The following LRP1B variants were observed in gnomAD, a reference collection of about 807,000 sequenced individuals.
LRP1B encodes the protein LDL receptor related protein 1B, also known as low-density lipoprotein receptor-related protein 1B.
A neutral mutation model predicts 556.6 loss-of-function variants in LRP1B; 217 were observed. The ratio of observed to expected loss-of-function variants is 0.39; its 90% CI spans 0.35 to 0.44. The LOEUF (loss-of-function observed/expected upper bound fraction) is 0.44. Ranked by LOEUF, LRP1B falls within the 20% of genes least tolerant of loss-of-function variation. The probability of loss-of-function intolerance (pLI) is 1.00; values close to 1 mark genes in which losing one functional copy is unlikely to be tolerated. For missense variants in LRP1B, 5,053 were observed against 5,620.8 expected, an observed-to-expected ratio of 0.90 and a Z score of 3.23; for synonymous variants, 2,047 against 1,865.8, an observed-to-expected ratio of 1.10 and a Z score of -2.50.
At chr2:140,542,457 A>C (rs1292657778) in intron 43 of LRP1B, among the ~76,000 whole-genome samples, 1 of 152,132 alleles carries the variant, frequency 6.6e-6, no homozygotes, top group African/African-American at 2.4e-5. Context: ...TCTGAGAATA[A>C]AAGTTTAGAA....
chr2:140,720,945 G>A lies in LRP1B; in HGVS notation c.5759-4129C>T, dbSNP rs187744326. 2.0e-5 allele frequency among the ~76,000 whole-genome samples: 3 copies of A among 152,126 alleles called. No individual in the cohort carries two copies. In the East Asian group the frequency reaches 5.8e-4, roughly 29 times the overall value. On this transcript the variant is annotated intron_variant, in intron 35 of 90. Transcript: ENST00000389484. Reference sequence around the variant, plus strand: ...CAGGGTAGAAAACAAGGAGTCTAGGGCTGGGTTCTTATCACTGTTCTGCAT... The same window carrying A: ...CAGGGTAGAAAACAAGGAGTCTAGGACTGGGTTCTTATCACTGTTCTGCAT...
chr2:141,031,251 T>TCTCACACA (rs866376802), intron 11 of LRP1B, among the ~76,000 whole-genome samples: 2 of 121,634 alleles, frequency 1.6e-5, no homozygotes, highest in African/African-American at 6.2e-5. Context: ...TATATACATA[T>TCTCACACA]CACACACACA....
chr2:140,554,619 A>C (rs2105060013), intron 43 of LRP1B, among the ~76,000 whole-genome samples: 1 of 152,170 alleles, frequency 6.6e-6, no homozygotes. Context: ...TCATTAGAAC[A>C]CTAATAGAGG....
chr2:140,234,259 C>T (rs1422043487), intron 90 of LRP1B, among the ~76,000 whole-genome samples: 6 of 151,208 alleles, frequency 4.0e-5, no homozygotes, highest in Admixed American at 1.3e-4. Flanking sequence ...TATTCCTCTT[C>T]TGCTTAAAAT....
chr2:141,781,953 C>T (rs1160767071), intron 2 of LRP1B, among the ~76,000 whole-genome samples: 1 of 152,104 alleles, frequency 6.6e-6, no homozygotes. Flanking sequence ...CTCTTTTTAG[C>T]TCTCTGAGCG....
intron 88 of LRP1B, among the ~76,000 whole-genome samples, chr2:140,239,213 T>A (rs1337096857): frequency 6.6e-6 from 1 of 150,860 alleles, no homozygotes; most frequent in Non-Finnish European, 1.5e-5. Flanking sequence ...TGATCTCTTG[T>A]CAGTTTTGCT....
At chr2:141,464,606 A>ATATATATATATTTT in intron 3 of LRP1B, among the ~76,000 whole-genome samples, 18 of 90,540 alleles carry the variant, frequency 2.0e-4, no homozygotes, top group East Asian at 1.1e-3. Context: ...ATATATATAT[A>ATATATATATATTTT]TTTTTTTAGT....
intron 1 of LRP1B, among the ~76,000 whole-genome samples, chr2:141,914,316 G>C (rs1213729361): frequency 6.6e-6 from 1 of 152,160 alleles, no homozygotes; most frequent in Non-Finnish European, 1.5e-5. Flanking sequence ...GTCATAAAGA[G>C]AACTAATTGG....
chr2:141,321,152 T>C (rs1375194528), intron 3 of LRP1B, among the ~76,000 whole-genome samples: 1 of 152,118 alleles, frequency 6.6e-6, no homozygotes, highest in African/African-American at 2.4e-5. Flanking sequence ...ATAAAGGGCA[T>C]AAAGAGCAGT....
chr2:141,359,746 A>G (rs2105561266), intron 3 of LRP1B, among the ~76,000 whole-genome samples: 1 of 150,570 alleles, frequency 6.6e-6, no homozygotes, highest in Admixed American at 6.7e-5. Context: ...ATAGAGTGAG[A>G]ATTCGGCCCC....
At chr2:141,606,096 C>G (rs1687909987) in intron 2 of LRP1B, among the ~76,000 whole-genome samples, 1 of 152,164 alleles carries the variant, frequency 6.6e-6, no homozygotes, top group Admixed American at 6.5e-5. Flanking sequence ...CTTTTCTCAT[C>G]TCAGCTCTTT....
rs1257590869 is a variant in LRP1B at position 141,062,087 on chromosome 2, T to G, written c.1200A>C (p.Gln400His). 3.7e-6 allele frequency: 6 copies of G among 1,611,900 alleles called. No individual in the cohort carries two copies. The highest frequency in any genetic ancestry group is 5.1e-6 in the Non-Finnish European group (6 of 1,178,632). Residue 400 changes from glutamine (Q) to histidine (H), a missense_variant, in exon 8 of 91, where the codon CAA becomes CAC. Physicochemically the swap from Gln to His is conservative, Grantham distance 24. Around this residue, in one of 5 missense-constraint regions of LRP1B, gnomAD observed 3,619 missense variants for 3,931.9 expected, o/e 0.92. Transcript: ENST00000389484. The stretch of plus-strand genomic sequence containing the variant: ...GAATGACAGTGTGTCTATTTTTTCC[T>G]TGATAGTCCACTACTCCCACATAGT... ...YLDYVGVVDY[Q>H]GKNRHTVIQG... is the part of the protein sequence containing the mutation.
rs538715115 is a variant in LRP1B, at chr2:141,115,773, C to T, written c.1014-53500G>A. 3.9e-5 allele frequency among the ~76,000 whole-genome samples: 6 copies of T among 151,984 alleles called. No individual in the cohort carries two copies. The East Asian group carries it at 9.7e-4, about 25-fold the overall frequency. On this transcript the variant is annotated intron_variant, in intron 7 of 90. Coordinates refer to ENST00000389484, the MANE Select transcript of LRP1B (RefSeq NM_018557.3). ...CTGGAATTACAGGCGTGAGCCACCG[C>T]GCCCCACCTGACTAGCATTTTTAAA...
intron 43 of LRP1B, among the ~76,000 whole-genome samples, chr2:140,574,620 C>T (rs544468958): frequency 6.6e-6 from 1 of 152,298 alleles, no homozygotes; most frequent in Non-Finnish European, 1.5e-5. Context: ...AATCATTAAG[C>T]ATTACAATTT....
chr2:142,026,129 T>A (rs542055081), intron 1 of LRP1B, among the ~76,000 whole-genome samples: 1 of 152,254 alleles, frequency 6.6e-6, no homozygotes, highest in East Asian at 1.9e-4. Flanking sequence ...CCCCATACTT[T>A]ATTTTTGCCT....
chr2:141,480,049 G>A (rs144981924), intron 3 of LRP1B, among the ~76,000 whole-genome samples: 3 of 152,118 alleles, frequency 2.0e-5, no homozygotes, highest in African/African-American at 7.2e-5. Context: ...CTTATAACAC[G>A]ATGTGATATC....
intron 11 of LRP1B, among the ~76,000 whole-genome samples, chr2:141,020,340 C>T (rs553667663): frequency 1.4e-4 from 22 of 152,072 alleles, no homozygotes; most frequent in African/African-American, 5.3e-4. Context: ...ACAGTGTTAA[C>T]AAATTAATCA....
At chr2:140,799,943 T>C (rs1328904432) in intron 32 of LRP1B, among the ~76,000 whole-genome samples, 1 of 151,938 alleles carries the variant, frequency 6.6e-6, no homozygotes. Context: ...GAGCATGAGC[T>C]GAAGCAGGGT....
chr2:141,607,076 G>C (rs577888914), intron 2 of LRP1B, among the ~76,000 whole-genome samples: 1 of 151,322 alleles, frequency 6.6e-6, no homozygotes, highest in Admixed American at 6.6e-5. Context: ...CTAAGCACTA[G>C]GTATTCAGTG....
Sources: allele counts gnomAD v4.1 joint callset (sites outside exome capture counted in the v4.1 genomes callset), GRCh38; gene constraint gnomAD v4.1.1; regional missense constraint gnomAD v4.1.1; transcripts MANE v1.5; gene names NCBI Gene and HGNC (gene_info 2026-07-23, HGNC 2026-07-21).